The following CDK11B variants were observed in gnomAD, a reference collection of about 807,000 sequenced individuals.
CDK11B encodes cyclin-dependent kinase 11B.
Under a neutral mutation model 84.0 loss-of-function variants are expected in CDK11B, and 37 were observed. That is an observed-to-expected ratio of 0.44 (90% CI 0.34 to 0.58). The LOEUF (loss-of-function observed/expected upper bound fraction) is 0.58. CDK11B is among the 20% of genes least tolerant of loss of function. The probability of loss-of-function intolerance (pLI) is 0.02; values close to 1 mark genes in which losing one functional copy is unlikely to be tolerated. For missense variants in CDK11B, 427 were observed against 834.0 expected, an observed-to-expected ratio of 0.51 and a Z score of 6.01; for synonymous variants, 269 against 309.8, an observed-to-expected ratio of 0.87 and a Z score of 1.38.
intron 11 of CDK11B, among the ~76,000 whole-genome samples, chr1:1,639,128 A>T (rs962474729): frequency 3.3e-5 from 5 of 151,388 alleles, no homozygotes; most frequent in African/African-American, 1.2e-4. Context: ...TTTAGTAGAG[A>T]CAGGATTTCA....
Position 1,658,918 on chromosome 1 carries a change from A to ACGC in CDK11B, c.-21_-19dup, listed in dbSNP as rs1254556725. ...GTCCGCCCAGTCGGAACTCACCCCTACGCCGCCGCCGCTGCCGCCGCCGCC... is the reference window on the plus strand; with the variant it reads ...GTCCGCCCAGTCGGAACTCACCCCTACGCCGCCGCCGCCGCTGCCGCCGCCGCC... On this transcript the variant is annotated 5_prime_UTR_variant, in exon 1 of 20. Coordinates refer to ENST00000341832, the MANE Select transcript of CDK11B (RefSeq NM_033486.3). 14 of 192,196 alleles carry ACGC rather than the reference A, an allele frequency of 7.3e-5. No individual in the cohort carries two copies. The highest frequency in any genetic ancestry group is 5.1e-4 in the East Asian group (3 of 5,904). The allele number at this position is 192,196 out of a possible 1,614,324, so 11.9% of individuals were successfully genotyped here.
In CDK11B at chr1:1,637,155, G is replaced by A. The variant is rs777231217; in HGVS notation, c.1618C>T (p.Leu540=). ...MIQLLRGVKH[L]HDNWILHRDL... ...CGGTGCAGGATCCAGTTGTCGTGCAGGTGTTTCACCCCACGCAGCAGCTGG... is the reference window on the plus strand; with the variant it reads ...CGGTGCAGGATCCAGTTGTCGTGCAAGTGTTTCACCCCACGCAGCAGCTGG... Residue 540 remains leucine, a synonymous_variant, in exon 15 of 20, where the codon CTG becomes TTG. Coordinates refer to ENST00000341832, the MANE Select transcript of CDK11B (RefSeq NM_033486.3). 15 of 1,613,666 alleles carry A rather than the reference G, an allele frequency of 9.3e-6. No individual in the cohort carries two copies. Among genetic ancestry groups the A allele is most frequent in the Non-Finnish European group, 1.3e-5 (15 of 1,179,860 alleles).
At position 1,646,825 on chromosome 1, in the gene CDK11B, C is replaced by G. The variant is rs765919789; in HGVS notation, c.495-1563G>C. On this transcript the variant is annotated intron_variant, in intron 5 of 19. Coordinates refer to ENST00000341832, the MANE Select transcript of CDK11B (RefSeq NM_033486.3). ...CTCTCTGAGCAGCTTGAGTATGCCA[C>G]TCCACTGCCTTCTGGCCTCCATTGT... 5 of 520,026 alleles carry G rather than the reference C, an allele frequency of 9.6e-6. No homozygotes were observed. The East Asian group carries it at 2.2e-4, about 23-fold the overall frequency. 32.2% of individuals were successfully genotyped at this position (520,026 alleles called of 1,614,324 possible). A position where few individuals can be genotyped will look rare whatever the true frequency, so the allele number is the denominator to read the frequency against.
intron 1 of CDK11B, among the ~76,000 whole-genome samples, chr1:1,657,890 GT>G: frequency 1.3e-5 from 1 of 76,554 alleles, no homozygotes. Flanking sequence ...AGATAACAAA[GT>G]AAGACTTGGT....
chr1:1,647,589 C>T (rs1641336254), intron 5 of CDK11B, among the ~76,000 whole-genome samples: 2 of 152,252 alleles, frequency 1.3e-5, no homozygotes, highest in Non-Finnish European at 2.9e-5. Context: ...AGGGAGCACA[C>T]TGAACGTTCA....
In CDK11B at chr1:1,636,468, G is replaced by C; in HGVS notation, c.1931C>G (p.Pro644Arg). 1.2e-6 allele frequency: 2 copies of C among 1,612,306 alleles called. No individual in the cohort carries two copies. Among genetic ancestry groups the C allele is most frequent in the Non-Finnish European group, 1.7e-6 (2 of 1,179,168 alleles). Residue 644 changes from proline (P) to arginine (R), a missense_variant, in exon 18 of 20, where the codon CCT becomes CGT. This residue lies in a region of CDK11B where 170 missense variants were observed against 196.0 expected (regional missense o/e 0.87). Transcript: ENST00000341832. ...GTAGCCGGGCCAGATTTTCTCACTA[G>C]GGGTCCCCAGATCCTGAAAGACAGA... Reference protein sequence around the residue: ...INKVFKDLGTPSEKIWPGYSE... With the variant: ...INKVFKDLGTRSEKIWPGYSE...
chr1:1,651,097 G>A (rs1201423537), intron 4 of CDK11B, among the ~76,000 whole-genome samples: 7 of 152,112 alleles, frequency 4.6e-5, no homozygotes, highest in African/African-American at 1.7e-4. Flanking sequence ...CATTTCAATC[G>A]GGCTCCAGGT....
intron 3 of CDK11B, among the ~76,000 whole-genome samples, chr1:1,654,978 G>C (rs1269629729): frequency 1.3e-5 from 2 of 151,968 alleles, no homozygotes; most frequent in Non-Finnish European, 2.9e-5. Context: ...TTTAAGACGG[G>C]GTTTCACCAT....
intron 5 of CDK11B, among the ~76,000 whole-genome samples, chr1:1,648,310 C>A (rs1282792585): frequency 8.0e-6 from 1 of 125,102 alleles, no homozygotes; most frequent in African/African-American, 3.8e-5. Context: ...AAGACACACT[C>A]AATGTCTGGC....
intron 2 of CDK11B, among the ~76,000 whole-genome samples, chr1:1,656,918 A>C (rs1312278853): frequency 6.6e-6 from 1 of 152,232 alleles, no homozygotes; most frequent in Non-Finnish European, 1.5e-5. Flanking sequence ...TGATGCTGCT[A>C]AAGATCTTAG....
intron 5 of CDK11B, chr1:1,645,554 T>C (rs1202931231): frequency 2.7e-6 from 1 of 369,100 alleles, no homozygotes; most frequent in Middle Eastern, 9.6e-4. Flanking sequence ...AATTTTTGTA[T>C]TTTTAGTAGA....
At chr1:1,656,203 T>C (rs1426472076) in intron 2 of CDK11B, among the ~76,000 whole-genome samples, 1 of 152,126 alleles carries the variant, frequency 6.6e-6, no homozygotes, top group Non-Finnish European at 1.5e-5. Flanking sequence ...AAGTTTGGTT[T>C]AGGTCAGGCA....
At chr1:1,656,978 C>T (rs1263077352) in intron 2 of CDK11B, among the ~76,000 whole-genome samples, 3 of 152,196 alleles carry the variant, frequency 2.0e-5, no homozygotes, top group Non-Finnish European at 4.4e-5. Context: ...AAAAAGGTTT[C>T]CTGAGTACAT....
At chr1:1,652,682 A>C in intron 3 of CDK11B, 116 bp from the exon 4 acceptor site, 1 of 722,808 alleles carries the variant, frequency 1.4e-6, no homozygotes. Flanking sequence ...AACAAAGCTG[A>C]AACATCATTT....
At chr1:1,650,361 C>CT (rs1167345235) in intron 4 of CDK11B, among the ~76,000 whole-genome samples, 17 of 121,160 alleles carry the variant, frequency 1.4e-4, no homozygotes, top group East Asian at 1.1e-3. Context: ...CCTAATTTTT[C>CT]TTTTTTTTCT....
At chr1:1,650,375 T>TTC in intron 4 of CDK11B, among the ~76,000 whole-genome samples, 1 of 147,000 alleles carries the variant, frequency 6.8e-6, no homozygotes, top group African/African-American at 2.5e-5. Flanking sequence ...TTTTTCTTTT[T>TTC]TTTTTTTGGA....
At chr1:1,637,687 C>G in intron 13 of CDK11B, 75 bp downstream of exon 13, 1 of 1,612,242 alleles carries the variant, frequency 6.2e-7, no homozygotes, top group South Asian at 1.1e-5. Context: ...TAGGAAGCAC[C>G]CGGCCCCAGG....
At position 1,640,362 on chromosome 1, in the gene CDK11B, G is replaced by A. The variant is rs1398340470; in HGVS notation, c.1166C>T (p.Thr389Ile). The change falls in exon 11 of 20, where the codon ACA becomes ATA. Residue 389 changes from threonine to isoleucine, a missense_variant. This residue lies in a region of CDK11B where 43 missense variants were observed against 61.8 expected (regional missense o/e 0.70). Transcript: ENST00000341832. The stretch of plus-strand genomic sequence containing the variant: ...GGAGTCGGGCACATAGTCGCCCTCT[G>A]TCAGGGCGCTGCTCTGCGGCGTTCC... ...GEGTPQSSAL[T>I]EGDYVPDSPA... 1.2e-6 allele frequency: 2 copies of A among 1,613,720 alleles called. No individual in the cohort carries two copies. The highest frequency in any genetic ancestry group is 2.2e-5 in the East Asian group (1 of 44,864).
intron 3 of CDK11B, among the ~76,000 whole-genome samples, chr1:1,652,875 G>A (rs1205880472): frequency 0.025 from 3,725 of 151,948 alleles, 120 homozygotes; most frequent in African/African-American, 0.072. Flanking sequence ...ACAGGCGCCC[G>A]CCGCCACGCT....
Sources: gnomAD v4.1 joint callset for allele counts (sites outside exome capture counted in the v4.1 genomes callset) on GRCh38, gnomAD v4.1.1 for gene constraint, gnomAD v4.1.1 regional missense constraint, MANE v1.5 for transcripts, NCBI Gene and HGNC (gene_info 2026-07-23, HGNC 2026-07-21) for gene names.